The following PRKCA variants were observed in gnomAD, a reference collection of about 807,000 sequenced individuals.
PRKCA encodes protein kinase C alpha type.
PRKCA carries 27 observed loss-of-function variants against 87.0 expected under a neutral mutation model. That is an observed-to-expected ratio of 0.31 (90% CI 0.23 to 0.43). The LOEUF is 0.43. Ranked by LOEUF, PRKCA falls within the 20% of genes least tolerant of loss-of-function variation. The pLI is 1.00. For synonymous variants in PRKCA, 329 were observed against 311.1 expected (o/e 1.06, Z -0.61); for missense variants, 518 against 852.3 (o/e 0.61, Z 4.88).
At chr17:66,541,792 A>G (rs991758280) in intron 3 of PRKCA, among the ~76,000 whole-genome samples, 4 of 152,254 alleles carry the variant, frequency 2.6e-5, no homozygotes, top group African/African-American at 4.8e-5. Flanking sequence ...TGTGCCCTAT[A>G]AAAATGTACA....
intron 3 of PRKCA, among the ~76,000 whole-genome samples, chr17:66,624,080 T>C (rs1970771927): frequency 6.6e-6 from 1 of 151,406 alleles, no homozygotes; most frequent in Admixed American, 6.6e-5. Context: ...TTACATTGGG[T>C]CAAATGGTAG....
chr17:66,351,495 G>A (rs963733089), intron 2 of PRKCA, among the ~76,000 whole-genome samples: 1 of 152,176 alleles, frequency 6.6e-6, no homozygotes, highest in Admixed American at 6.5e-5. Flanking sequence ...CGTAGGCCAG[G>A]GAGAGTGAGT....
At chr17:66,631,503 C>T (rs908178057) in intron 3 of PRKCA, among the ~76,000 whole-genome samples, 5 of 152,190 alleles carry the variant, frequency 3.3e-5, no homozygotes, top group African/African-American at 7.2e-5. Flanking sequence ...ATTACAGCCT[C>T]GAACACCTGG....
intron 5 of PRKCA, chr17:66,676,222 A>T (rs1261838125): frequency 2.6e-5 from 4 of 152,298 alleles, no homozygotes; most frequent in African/African-American, 7.2e-5. Flanking sequence ...CTTCCCAGTA[A>T]CGTGACCGGG....
intron 2 of PRKCA, among the ~76,000 whole-genome samples, chr17:66,491,545 C>T (rs1916247082): frequency 6.6e-6 from 1 of 152,160 alleles, no homozygotes; most frequent in Middle Eastern, 3.2e-3. Flanking sequence ...CAGGTACCAC[C>T]TTATTACCTC....
intron 2 of PRKCA, among the ~76,000 whole-genome samples, chr17:66,442,363 T>A (rs1913816791): frequency 6.6e-6 from 1 of 151,940 alleles, no homozygotes; most frequent in East Asian, 1.9e-4. Context: ...GCCTGTAACA[T>A]CATGATGTTA....
intron 3 of PRKCA, among the ~76,000 whole-genome samples, chr17:66,602,317 G>A (rs1970065686): frequency 7.5e-6 from 1 of 132,694 alleles, no homozygotes; most frequent in Non-Finnish European, 1.6e-5. Context: ...ATTCGGGTGG[G>A]AGTGACCCGA....
chr17:66,679,242 G>A (rs368054800), intron 5 of PRKCA, among the ~76,000 whole-genome samples: 5 of 144,412 alleles, frequency 3.5e-5, no homozygotes, highest in East Asian at 4.1e-4. Context: ...GTGCAGTGGC[G>A]CAATCTGGGC....
chr17:66,610,728 T>C (rs1457565703), intron 3 of PRKCA, among the ~76,000 whole-genome samples: 2 of 152,228 alleles, frequency 1.3e-5, no homozygotes, highest in East Asian at 3.8e-4. Flanking sequence ...AAGGGGTTTT[T>C]AACCCTAACT....
chr17:66,645,077 A>ATAG (rs773001033), intron 4 of PRKCA, among the ~76,000 whole-genome samples: 2 of 152,182 alleles, frequency 1.3e-5, no homozygotes, highest in Non-Finnish European at 2.9e-5. Flanking sequence ...AGCTTTGTAC[A>ATAG]TATTTACCTG....
At position 66,504,862 on chromosome 17, in the gene PRKCA, A is replaced by C. The variant is rs559786169; in HGVS notation, c.288+8579A>C. Among the ~76,000 whole-genome samples the C allele has an allele frequency of 2.8e-4, 42 of 152,230 alleles. 2 individuals carry two copies. The South Asian group carries it at 7.9e-3, about 29-fold the overall frequency. On this transcript the variant is annotated intron_variant, in intron 3 of 16. Coordinates refer to ENST00000413366, the MANE Select transcript of PRKCA (RefSeq NM_002737.3). ...AATGCTGCCATCCAGCAGTGCCTAC[A>C]CTCAGGTGACATATTTGCCAGTGGA... is the stretch of plus-strand genomic sequence containing the variant.
intron 2 of PRKCA, among the ~76,000 whole-genome samples, chr17:66,315,479 T>C (rs909303266): frequency 1.6e-5 from 1 of 64,184 alleles, no homozygotes; most frequent in African/African-American, 5.0e-5. Flanking sequence ...AAGTGTTTTT[T>C]CTTTTTTTTT....
Position 66,448,126 on chromosome 17 carries a change from C to G in PRKCA, c.206-48075C>G, listed in dbSNP as rs1444230365. On this transcript the variant is annotated intron_variant, in intron 2 of 16. Transcript: ENST00000413366. ...AGAATAGAATCGTGGTGAAAGATGGCCTTTGTGTTCTGTGTATTCTGTGCC... is the reference window on the plus strand; with the variant it reads ...AGAATAGAATCGTGGTGAAAGATGGGCTTTGTGTTCTGTGTATTCTGTGCC... Among the ~76,000 whole-genome samples the G allele has an allele frequency of 3.3e-5, 5 of 151,976 alleles. No individual in the cohort carries two copies. In the South Asian group the frequency reaches 1.0e-3, roughly 32 times the overall value.
intron 13 of PRKCA, among the ~76,000 whole-genome samples, chr17:66,752,548 A>G (rs948366929): frequency 2.0e-5 from 3 of 152,324 alleles, no homozygotes; most frequent in Admixed American, 2.0e-4. Context: ...TGGTGAGCCA[A>G]GATCATGCCA....
At chr17:66,798,776 ATGG>A (rs1975773363) in intron 16 of PRKCA, among the ~76,000 whole-genome samples, 1 of 926 alleles carries the variant, frequency 1.1e-3, no homozygotes, top group Non-Finnish European at 2.0e-3. Flanking sequence ...GGTGGTGGTG[ATGG>A]TGGTGGTGGT....
At chr17:66,490,492 C>T (rs995319629) in intron 2 of PRKCA, among the ~76,000 whole-genome samples, 2 of 151,676 alleles carry the variant, frequency 1.3e-5, no homozygotes, top group Admixed American at 6.6e-5. Flanking sequence ...TACAGGTGCC[C>T]ACCACCATGC....
chr17:66,756,748 G>A (rs1007903624), intron 13 of PRKCA, among the ~76,000 whole-genome samples: 16 of 151,940 alleles, frequency 1.1e-4, no homozygotes, highest in Admixed American at 2.6e-4. Context: ...TGCAACCTCC[G>A]CCTCCTGGGT....
At chr17:66,476,400 G>C (rs1392300170) in intron 2 of PRKCA, among the ~76,000 whole-genome samples, 1 of 152,194 alleles carries the variant, frequency 6.6e-6, no homozygotes, top group Non-Finnish European at 1.5e-5. Flanking sequence ...GTCAAGCTGG[G>C]TTTCCCGATT....
intron 5 of PRKCA, among the ~76,000 whole-genome samples, chr17:66,669,485 AAAG>A (rs1338961330): frequency 2.0e-5 from 3 of 152,206 alleles, no homozygotes; most frequent in Non-Finnish European, 4.4e-5. Context: ...CCCAAAGATA[AAAG>A]AAGAAAAAAT....
Sources: allele counts gnomAD v4.1 joint callset (sites outside exome capture counted in the v4.1 genomes callset), GRCh38; gene constraint gnomAD v4.1.1; transcripts MANE v1.5; gene names NCBI Gene and HGNC (gene_info 2026-07-23, HGNC 2026-07-21).